AGAP3: variants seen among roughly 807,000 people sequenced by gnomAD.
AGAP3 encodes arf-GAP with GTPase, ANK repeat and PH domain-containing protein 3.
Under a neutral mutation model 96.9 loss-of-function variants are expected in AGAP3, and 24 were observed. The observed-to-expected ratio is 0.25, with a 90% confidence interval of 0.18 to 0.35. AGAP3 has a LOEUF of 0.35. Among genes scored for constraint, AGAP3 ranks in the 10% least tolerant of loss-of-function variants. The pLI, the probability that AGAP3 is intolerant of heterozygous loss-of-function variation, is 1.00. For missense variants in AGAP3, 876 were observed against 1,254.2 expected (o/e 0.70, Z 4.55); for synonymous variants, 563 against 536.1 (o/e 1.05, Z -0.69).
intron 1 of AGAP3, among the ~76,000 whole-genome samples, chr7:151,094,873 C>G (rs749616369): frequency 2.0e-4 from 30 of 150,494 alleles, no homozygotes; most frequent in Admixed American, 3.3e-4. Flanking sequence ...CTCCCTTCCT[C>G]CCTTCCTTCC....
Position 151,086,682 on chromosome 7 carries a change from GCCGCCGCCGCCT to G in AGAP3, c.-52_-41del. 4.6e-6 allele frequency: 1 copy of G among 216,624 alleles called. No homozygotes were observed. The highest frequency in any genetic ancestry group is 7.7e-6 in the Non-Finnish European group (1 of 129,898). 13.4% of individuals were successfully genotyped at this position (216,624 alleles called of 1,614,324 possible). A position where few individuals can be genotyped will look rare whatever the true frequency, so the allele number is the denominator to read the frequency against. Reference sequence around the variant, plus strand: ...CCCGCTCGCCGCTGCCGCCGCCGCCGCCGCCGCCGCCTCCGCCGCGCCGCCCCGGGCCCGCCT... The same window carrying G: ...CCCGCTCGCCGCTGCCGCCGCCGCCGCCGCCGCGCCGCCCCGGGCCCGCCT... On this transcript the variant is annotated 5_prime_UTR_variant, in exon 1 of 18. Coordinates refer to ENST00000397238, the MANE Select transcript of AGAP3 (RefSeq NM_031946.7).
intron 1 of AGAP3, chr7:151,116,403 C>A (rs1484244097): frequency 1.4e-5 from 3 of 216,558 alleles, no homozygotes; most frequent in Admixed American, 1.1e-4. Context: ...GGTGCCCAGC[C>A]CTTGGGTCTG....
At chr7:151,128,926 T>C (rs1800292141) in intron 10 of AGAP3, among the ~76,000 whole-genome samples, 1 of 152,072 alleles carries the variant, frequency 6.6e-6, no homozygotes, top group Non-Finnish European at 1.5e-5. Context: ...TTGTTTAAGG[T>C]GGGGGATTCA....
At chr7:151,105,776 G>GCC (rs771073524) in intron 1 of AGAP3, among the ~76,000 whole-genome samples, 5 of 9,834 alleles carry the variant, frequency 5.1e-4, no homozygotes, top group East Asian at 4.1e-3. Context: ...CCTCCATTCC[G>GCC]CCCCCCCCCC....
At position 151,096,915 on chromosome 7, in the gene AGAP3, C is replaced by T. The variant is rs1798627915; in HGVS notation, c.331+9843C>T. On this transcript the variant is annotated intron_variant, in intron 1 of 17. Transcript: ENST00000397238. The surrounding 1 kb of genome is among the most constrained non-coding windows in gnomAD (Gnocchi z 4.4). ...TGCCTCAGCCTCCCAAGGCACATGC[C>T]TTGGGATTACAGGCACATGCCACCA... 6.6e-6 allele frequency among the ~76,000 whole-genome samples: 1 copy of T among 152,040 alleles called. No homozygotes were observed. Among genetic ancestry groups the T allele is most frequent in the African/African-American group, 2.4e-5 (1 of 41,424 alleles).
At position 151,141,941 on chromosome 7, in the gene AGAP3, G is replaced by T; in HGVS notation, c.1848G>T (p.Gly616=). 1 of 1,614,184 alleles carries T rather than the reference G, an allele frequency of 6.2e-7. No homozygotes were observed. Among genetic ancestry groups the T allele is most frequent in the Non-Finnish European group, 8.5e-7 (1 of 1,180,026 alleles). ...SFEFVVVSLT[G]QTWHFEASTA... ...AATTTGTGGTGGTGTCCCTCACTGG[G>T]CAGACGTGGCACTTCGAGGCTTCAA... The change falls in exon 14 of 18, where the codon GGG becomes GGT. Residue 616 remains glycine, a synonymous_variant. Transcript: ENST00000397238. This position sits in a 1 kb window ranked among gnomAD's most constrained non-coding sequence, Gnocchi z 4.2.
At chr7:151,092,544 T>G (rs1798440142) in intron 1 of AGAP3, among the ~76,000 whole-genome samples, 1 of 152,196 alleles carries the variant, frequency 6.6e-6, no homozygotes, top group Non-Finnish European at 1.5e-5. Flanking sequence ...GCGCAGAGAT[T>G]GGGTGGTGCA....
At position 151,142,060 on chromosome 7, in the gene AGAP3, C is replaced by T. The variant is rs376400890; in HGVS notation, c.1959+8C>T. The T allele has an allele frequency of 1.9e-6, 3 of 1,611,458 alleles. No homozygotes were observed. Among genetic ancestry groups the T allele is most frequent in the East Asian group, 2.2e-5 (1 of 44,848 alleles). The stretch of plus-strand genomic sequence containing the variant: ...CGCAGTGCCAAGGACAAGGTGGGTA[C>T]AGAGTGACTGGGCCCACACAGAGCA... On this transcript the variant is annotated splice_region_variant and intron_variant, in intron 14 of 17. Transcript: ENST00000397238. This position sits in a 1 kb window ranked among gnomAD's most constrained non-coding sequence, Gnocchi z 7.5.
intron 1 of AGAP3, among the ~76,000 whole-genome samples, chr7:151,095,696 T>C (rs1340329557): frequency 1.6e-5 from 1 of 64,326 alleles, no homozygotes; most frequent in Non-Finnish European, 2.5e-5. Flanking sequence ...CCAATCACAG[T>C]TGTACAAAAA....
Position 151,141,705 on chromosome 7 carries a change from C to G in AGAP3, c.1805-193C>G, listed in dbSNP as rs1800818061. 2 of 630,792 alleles carry G rather than the reference C, an allele frequency of 3.2e-6. No individual in the cohort carries two copies. Among genetic ancestry groups the G allele is most frequent in the Non-Finnish European group, 5.6e-6 (2 of 360,058 alleles). The allele number at this position is 630,792 out of a possible 1,614,324, so 39.1% of individuals were successfully genotyped here. ...TGGTTAGGAATGAGAACTGGGAGCT[C>G]ACACTAGTCTTGCAGGTTTACTCTG... On this transcript the variant is annotated intron_variant, in intron 13 of 17. Coordinates refer to ENST00000397238, the MANE Select transcript of AGAP3 (RefSeq NM_031946.7). This position sits in a 1 kb window ranked among gnomAD's most constrained non-coding sequence, Gnocchi z 4.2.
At chr7:151,105,923 C>T (rs969299555) in intron 1 of AGAP3, among the ~76,000 whole-genome samples, 1 of 142,764 alleles carries the variant, frequency 7.0e-6, no homozygotes, top group Non-Finnish European at 1.5e-5. Context: ...TAAAATTGTA[C>T]AAGTATTTTG....
At chr7:151,104,725 CGTTATCCATTCACAT>C (rs1173542314) in intron 1 of AGAP3, among the ~76,000 whole-genome samples, 1 of 152,182 alleles carries the variant, frequency 6.6e-6, no homozygotes, top group Non-Finnish European at 1.5e-5. Context: ...AAAGTAACGG[CGTTATCCATTCACAT>C]GAAGCATTCA....
chr7:151,113,956 G>A (rs1799414172), intron 1 of AGAP3, among the ~76,000 whole-genome samples: 1 of 152,202 alleles, frequency 6.6e-6, no homozygotes, highest in African/African-American at 2.4e-5. Context: ...CCGACAGGAG[G>A]TGAGACCCAG....
At chr7:151,117,920 GCT>G in intron 5 of AGAP3, 143 bp downstream of exon 5, 2 of 1,232,334 alleles carry the variant, frequency 1.6e-6, no homozygotes, top group Non-Finnish European at 2.2e-6. Flanking sequence ...CACTCTCCGT[GCT>G]GCTCGTGTCT....
At chr7:151,137,116 C>G (rs1584785125) in intron 11 of AGAP3, among the ~76,000 whole-genome samples, 1 of 152,250 alleles carries the variant, frequency 6.6e-6, no homozygotes, top group Admixed American at 6.5e-5. Flanking sequence ...TTGGGCCATT[C>G]CTTTACCTTC....
chr7:151,099,724 G>A lies in AGAP3; in HGVS notation c.331+12652G>A, dbSNP rs957507810. On this transcript the variant is annotated intron_variant, in intron 1 of 17. Coordinates refer to ENST00000397238, the MANE Select transcript of AGAP3 (RefSeq NM_031946.7). ...TGACCACCTGCTAGGGGCTTCCCTCGGGACCGTGGGTCAGAGGCCTCAGTC... is the reference window on the plus strand; with the variant it reads ...TGACCACCTGCTAGGGGCTTCCCTCAGGACCGTGGGTCAGAGGCCTCAGTC... 9.8e-5 allele frequency among the ~76,000 whole-genome samples: 15 copies of A among 152,336 alleles called. No individual in the cohort carries two copies. The East Asian group carries it at 2.3e-3, about 24-fold the overall frequency.
rs1388009929 is a variant in AGAP3 at position 151,108,254 on chromosome 7, T to C, written c.332-8539T>C. 6.6e-6 allele frequency among the ~76,000 whole-genome samples: 1 copy of C among 152,150 alleles called. No individual in the cohort carries two copies. Among genetic ancestry groups the C allele is most frequent in the African/African-American group, 2.4e-5 (1 of 41,414 alleles). On this transcript the variant is annotated intron_variant, in intron 1 of 17. Transcript: ENST00000397238. This position sits in a 1 kb window ranked among gnomAD's most constrained non-coding sequence, Gnocchi z 4.2. ...TTGCACCCAGCACAGAGCTCATGGATAGACAGGAAAACAAACTGCTCTCAA... is the reference window on the plus strand; with the variant it reads ...TTGCACCCAGCACAGAGCTCATGGACAGACAGGAAAACAAACTGCTCTCAA...
intron 8 of AGAP3, chr7:151,122,581 G>A (rs983963446): frequency 2.6e-5 from 23 of 889,178 alleles, no homozygotes; most frequent in African/African-American, 3.4e-5. Flanking sequence ...CCTCTTCCTC[G>A]TCCTTCTCCT....
intron 1 of AGAP3, among the ~76,000 whole-genome samples, chr7:151,095,648 G>C (rs1373799594): frequency 7.2e-6 from 1 of 138,996 alleles, no homozygotes; most frequent in African/African-American, 2.7e-5. Context: ...TTCTGTGCCT[G>C]GAGGAGGTTT....
Sources: gnomAD v4.1 joint callset for allele counts (sites outside exome capture counted in the v4.1 genomes callset) on GRCh38, gnomAD v4.1.1 for gene constraint, Gnocchi (gnomAD v3.1) non-coding constraint, MANE v1.5 for transcripts, NCBI Gene and HGNC (gene_info 2026-07-23, HGNC 2026-07-21) for gene names.